The following SMYD3 variants were observed in gnomAD, a reference collection of about 807,000 sequenced individuals.
The protein encoded by SMYD3 is histone-lysine N-methyltransferase SMYD3.
SMYD3 carries 36 observed loss-of-function variants against 57.7 expected under a neutral mutation model. The observed-to-expected ratio is 0.62, with a 90% CI of 0.48 to 0.82. The LOEUF is 0.82. Among genes scored for constraint, SMYD3 ranks in the 40% least tolerant of loss-of-function variants. The pLI is 0.00. For missense variants in SMYD3, 515 were observed against 538.8 expected (o/e 0.96, Z 0.44); for synonymous variants, 211 against 195.0 (o/e 1.08, Z -0.68).
At chr1:246,431,602 C>T (rs772963739) in intron 1 of SMYD3, among the ~76,000 whole-genome samples, 48 of 152,116 alleles carry the variant, frequency 3.2e-4, no homozygotes, top group Admixed American at 2.6e-3. Flanking sequence ...TGCTGGTGTG[C>T]GCCTGCAGTC....
chr1:246,045,153 A>C (rs1378429655), intron 5 of SMYD3, among the ~76,000 whole-genome samples: 1 of 152,196 alleles, frequency 6.6e-6, no homozygotes, highest in Non-Finnish European at 1.5e-5. Context: ...TATGGAACCA[A>C]AAAAGAGCCC....
chr1:245,942,584 T>C (rs1027824232), intron 5 of SMYD3, among the ~76,000 whole-genome samples: 1 of 152,136 alleles, frequency 6.6e-6, no homozygotes, highest in Admixed American at 6.5e-5. Context: ...AGAATATTAA[T>C]AAAGCTATTC....
intron 5 of SMYD3, among the ~76,000 whole-genome samples, chr1:245,954,533 G>A (rs755206942): frequency 6.6e-6 from 1 of 152,248 alleles, no homozygotes; most frequent in Middle Eastern, 3.4e-3. Context: ...AACATTAGCC[G>A]AGCATGCTGG....
intron 8 of SMYD3, among the ~76,000 whole-genome samples, chr1:245,914,550 T>C (rs2055254352): frequency 1.3e-5 from 2 of 152,136 alleles, no homozygotes; most frequent in Non-Finnish European, 2.9e-5. Context: ...TTCTCACTCA[T>C]ATGTGGGAAT....
rs145303215 is a variant in SMYD3 at position 246,446,755 on chromosome 1, C to T, written c.164+60299G>A. On this transcript the variant is annotated intron_variant, in intron 1 of 11. Transcript: ENST00000490107. ...TTTAGAAATGGCATCCTAGGCCGGGCGCTGTGGCTCACGCCTGTAATCCCA... is the reference window on the plus strand; with the variant it reads ...TTTAGAAATGGCATCCTAGGCCGGGTGCTGTGGCTCACGCCTGTAATCCCA... Among the ~76,000 whole-genome samples the T allele has an allele frequency of 8.0e-3, 1,225 of 152,216 alleles. 13 individuals are homozygous for T. The highest frequency in any genetic ancestry group is 0.028 in the African/African-American group (1,144 of 41,530).
intron 5 of SMYD3, among the ~76,000 whole-genome samples, chr1:246,263,104 T>C (rs977646261): frequency 2.0e-5 from 3 of 152,154 alleles, no homozygotes; most frequent in Non-Finnish European, 2.9e-5. Flanking sequence ...CAAGGCACAA[T>C]GCATAGTGTT....
intron 5 of SMYD3, among the ~76,000 whole-genome samples, chr1:246,146,894 C>T (rs2061851686): frequency 1.3e-5 from 2 of 152,242 alleles, no homozygotes; most frequent in South Asian, 2.1e-4. Flanking sequence ...TTGATGGTGT[C>T]GTCCAATCAC....
intron 10 of SMYD3, among the ~76,000 whole-genome samples, chr1:245,800,256 C>CCT (rs993065106): frequency 2.2e-4 from 33 of 152,298 alleles, no homozygotes; most frequent in African/African-American, 7.9e-4. Context: ...CTTCCCATCA[C>CCT]CTCCTGTTTC....
chr1:246,344,626 C>T (rs1413940631), intron 2 of SMYD3, among the ~76,000 whole-genome samples: 1 of 152,208 alleles, frequency 6.6e-6, no homozygotes, highest in South Asian at 2.1e-4. Context: ...AGTAAGTACA[C>T]CTTTAACATT....
At chr1:246,037,045 C>T (rs562552765) in intron 5 of SMYD3, among the ~76,000 whole-genome samples, 1 of 152,164 alleles carries the variant, frequency 6.6e-6, no homozygotes, top group South Asian at 2.1e-4. Flanking sequence ...CAGTTCCCTA[C>T]AGATAGACAT....
intron 1 of SMYD3, among the ~76,000 whole-genome samples, chr1:246,455,163 C>T (rs1054618729): frequency 6.6e-6 from 1 of 152,074 alleles, no homozygotes; most frequent in Non-Finnish European, 1.5e-5. Flanking sequence ...TCTGAAAGAG[C>T]TCATGTTATA....
At chr1:246,270,881 G>A (rs969816644) in intron 5 of SMYD3, among the ~76,000 whole-genome samples, 2 of 151,992 alleles carry the variant, frequency 1.3e-5, no homozygotes, top group African/African-American at 4.8e-5. Flanking sequence ...TTAAATTTTT[G>A]AGTTGCCGCC....
intron 8 of SMYD3, among the ~76,000 whole-genome samples, chr1:245,866,086 G>A (rs532687030): frequency 6.6e-6 from 1 of 152,280 alleles, no homozygotes; most frequent in South Asian, 2.1e-4. Context: ...TTTATAGAAC[G>A]ACCCCATGAG....
intron 5 of SMYD3, among the ~76,000 whole-genome samples, chr1:246,318,079 AT>A (rs1312888200): frequency 1.3e-5 from 2 of 152,130 alleles, no homozygotes; most frequent in Non-Finnish European, 2.9e-5. Context: ...TTATGTATTA[AT>A]TTTTAAAAAT....
chr1:246,087,035 T>C (rs1047032347), intron 5 of SMYD3, among the ~76,000 whole-genome samples: 6 of 152,326 alleles, frequency 3.9e-5, no homozygotes, highest in African/African-American at 1.4e-4. Flanking sequence ...GCTCCATCCA[T>C]GTCCATGCAA....
At chr1:245,795,983 G>T (rs937069528) in intron 10 of SMYD3, among the ~76,000 whole-genome samples, 10 of 152,130 alleles carry the variant, frequency 6.6e-5, no homozygotes, top group African/African-American at 2.4e-4. Context: ...CCAGTTAGTT[G>T]TCTTCAGAGC....
At position 246,295,980 on chromosome 1, in the gene SMYD3, G is replaced by A. The variant is rs12733757; in HGVS notation, c.531+31221C>T. Reference sequence around the variant, plus strand: ...TGGGTGTTTTGTTCTGCTGTTGTATGTATGCATGTATGCATGCGGAGGTAG... The same window carrying A: ...TGGGTGTTTTGTTCTGCTGTTGTATATATGCATGTATGCATGCGGAGGTAG... On this transcript the variant is annotated intron_variant, in intron 5 of 11. Transcript: ENST00000490107. 4.0e-3 allele frequency among the ~76,000 whole-genome samples: 605 copies of A among 152,310 alleles called. 7 individuals are homozygous for A. The highest frequency in any genetic ancestry group is 6.8e-3 in the Middle Eastern group (2 of 294).
chr1:245,968,829 C>T (rs902730054), intron 5 of SMYD3, among the ~76,000 whole-genome samples: 1 of 152,182 alleles, frequency 6.6e-6, no homozygotes, highest in Admixed American at 6.5e-5. Context: ...TCAGCCTTCT[C>T]AGGTCTGTGT....
rs138914020 is a variant in SMYD3, at chr1:245,858,609, G to C, written c.963C>G (p.Pro321=). ...CCTTCAGCTGGTAGATGTTGATATC[G>C]GGAAGCCGTTCAGAATTGCTGCTTA... ...AIISSNSERL[P]DINIYQLKVL... Residue 321 remains proline, a synonymous_variant, in exon 10 of 12, where the codon CCC becomes CCG. Transcript: ENST00000490107. The C allele has an allele frequency of 1.5e-5, 24 of 1,614,094 alleles. No individual in the cohort carries two copies. The highest frequency in any genetic ancestry group is 8.0e-5 in the African/African-American group (6 of 74,934).
Sources: gnomAD v4.1 joint callset for allele counts (sites outside exome capture counted in the v4.1 genomes callset) on GRCh38, gnomAD v4.1.1 for gene constraint, MANE v1.5 for transcripts, NCBI Gene and HGNC (gene_info 2026-07-23, HGNC 2026-07-21) for gene names.